The following SOX5 variants were observed in gnomAD, a reference collection of about 807,000 sequenced individuals.
SOX5 encodes the protein SRY-box transcription factor 5.
SOX5 carries 9 observed loss-of-function variants against 92.0 expected under a neutral mutation model. The observed-to-expected ratio is 0.10, with a 90% confidence interval of 0.06 to 0.17. SOX5 has a LOEUF of 0.17. Among genes scored for constraint, SOX5 ranks in the 10% least tolerant of loss-of-function variants. The pLI, the probability that SOX5 is intolerant of heterozygous loss-of-function variation, is 1.00. For missense variants in SOX5, 642 were observed against 944.5 expected (o/e 0.68, Z 4.20); for synonymous variants, 344 against 336.3 (o/e 1.02, Z -0.25).
chr12:24,299,383 C>A (rs912635239), intron 2 of SOX5, among the ~76,000 whole-genome samples: 1 of 152,084 alleles, frequency 6.6e-6, no homozygotes, highest in African/African-American at 2.4e-5. Flanking sequence ...TACAATGTAT[C>A]TCTCATTCTT....
chr12:23,779,437 A>C (rs953429218), intron 3 of SOX5, among the ~76,000 whole-genome samples: 1 of 150,760 alleles, frequency 6.6e-6, no homozygotes, highest in Admixed American at 6.7e-5. Flanking sequence ...ATAAATGAAC[A>C]AGCAGCAGGA....
chr12:24,168,810 G>A (rs140800472), intron 4 of SOX5, among the ~76,000 whole-genome samples: 5 of 152,292 alleles, frequency 3.3e-5, no homozygotes, highest in African/African-American at 9.6e-5. Flanking sequence ...GAAATGATGG[G>A]CAGGCGTGCA....
intron 7 of SOX5, among the ~76,000 whole-genome samples, chr12:23,654,761 G>T (rs1240373316): frequency 6.6e-6 from 1 of 152,012 alleles, no homozygotes; most frequent in Non-Finnish European, 1.5e-5. Context: ...TTTAACATTT[G>T]AAACTTTTTA....
intron 4 of SOX5, among the ~76,000 whole-genome samples, chr12:23,749,557 C>T (rs751961695): frequency 3.3e-5 from 5 of 151,730 alleles, no homozygotes; most frequent in Non-Finnish European, 5.9e-5. Flanking sequence ...TGTTGCCCCA[C>T]GGTAGATGTT....
At position 23,851,066 on chromosome 12, in the gene SOX5, A is replaced by C. The variant is rs1406517779; in HGVS notation, c.271-4873T>G. Among the ~76,000 whole-genome samples, 8 of 152,028 alleles carry C rather than the reference A, an allele frequency of 5.3e-5. No homozygotes were observed. The East Asian group carries it at 1.3e-3, about 26-fold the overall frequency. ...TATAGACAATTAGGTTATTTTAAAA[A>C]ACCAGTTGCTTGCAAAAGAAAAAAA... On this transcript the variant is annotated intron_variant, in intron 2 of 14. Transcript: ENST00000451604.
intron 3 of SOX5, among the ~76,000 whole-genome samples, chr12:23,813,778 C>G (rs1019980283): frequency 2.0e-5 from 3 of 152,074 alleles, no homozygotes; most frequent in Non-Finnish European, 4.4e-5. Flanking sequence ...TATTTTAAAA[C>G]AGTTAGTAAA....
chr12:23,964,975 G>A lies in SOX5; in HGVS notation c.-1-68951C>T, dbSNP rs1254729327. On this transcript the variant is annotated intron_variant, in intron 4 of 4. Coordinates refer to the SOX5 transcript ENST00000446891. ...TAGGGGAGCAGACCTGGGCAATGGT[G>A]AGCACCAGGGCTAGCGCACAGGGGC... Among the ~76,000 whole-genome samples, 3 of 152,182 alleles carry A rather than the reference G, an allele frequency of 2.0e-5. No homozygotes were observed. The East Asian group carries it at 5.8e-4, about 29-fold the overall frequency.
intron 4 of SOX5, among the ~76,000 whole-genome samples, chr12:24,004,363 T>C (rs1305396638): frequency 6.6e-6 from 1 of 151,358 alleles, no homozygotes; most frequent in Non-Finnish European, 1.5e-5. Context: ...GAAAATATTT[T>C]AAAATAATAT....
intron 1 of SOX5, among the ~76,000 whole-genome samples, chr12:24,388,606 CT>C (rs948965221): frequency 6.6e-6 from 1 of 152,088 alleles, no homozygotes; most frequent in Non-Finnish European, 1.5e-5. Context: ...TTTAAAACAA[CT>C]TTTTTGAGAT....
At chr12:23,754,768 C>T (rs928007203) in intron 4 of SOX5, among the ~76,000 whole-genome samples, 1 of 151,696 alleles carries the variant, frequency 6.6e-6, no homozygotes, top group Admixed American at 6.6e-5. Flanking sequence ...TGCACGGACA[C>T]ACATATGCAA....
In SOX5 at chr12:23,691,455, T is replaced by C. The variant is rs1329121723; in HGVS notation, c.811-25891A>G. On this transcript the variant is annotated intron_variant, in intron 6 of 14. Coordinates refer to ENST00000451604, the MANE Select transcript of SOX5 (RefSeq NM_006940.6). The stretch of plus-strand genomic sequence containing the variant: ...AGAGTATGTGATCAGAACAATCTAT[T>C]CTTCAAATATCTAGTACAACTGATC... Among the ~76,000 whole-genome samples the C allele has an allele frequency of 2.0e-5, 3 of 152,298 alleles. No homozygotes were observed. The East Asian group carries it at 5.8e-4, about 29-fold the overall frequency.
chr12:24,133,168 A>G (rs577253588), intron 4 of SOX5, among the ~76,000 whole-genome samples: 26 of 152,378 alleles, frequency 1.7e-4, no homozygotes, highest in Admixed American at 1.2e-3. Flanking sequence ...GCAGAAATGC[A>G]TAAAACTACT....
intron 1 of SOX5, among the ~76,000 whole-genome samples, chr12:24,405,303 T>C (rs1230645797): frequency 6.6e-6 from 1 of 152,178 alleles, no homozygotes. Flanking sequence ...TGGGGGGGTA[T>C]ACTATTTGAA....
intron 8 of SOX5, among the ~76,000 whole-genome samples, chr12:23,617,816 A>G (rs2076744277): frequency 6.6e-6 from 1 of 152,184 alleles, no homozygotes; most frequent in Non-Finnish European, 1.5e-5. Flanking sequence ...TTATAATTGA[A>G]GCAGTTCCTT....
chr12:24,203,662 T>C (rs1449796657), intron 4 of SOX5, among the ~76,000 whole-genome samples: 1 of 152,232 alleles, frequency 6.6e-6, no homozygotes, highest in Non-Finnish European at 1.5e-5. Context: ...GAATCAGTTT[T>C]GGAAATGCTT....
intron 6 of SOX5, among the ~76,000 whole-genome samples, chr12:23,688,050 T>G (rs909376119): frequency 6.6e-6 from 1 of 152,018 alleles, no homozygotes; most frequent in African/African-American, 2.4e-5. Flanking sequence ...GACCTTTGGG[T>G]CCCAAACACA....
At chr12:24,176,826 C>T (rs1954860858) in intron 4 of SOX5, among the ~76,000 whole-genome samples, 1 of 152,180 alleles carries the variant, frequency 6.6e-6, no homozygotes, top group South Asian at 2.1e-4. Flanking sequence ...TCCCTCCTAA[C>T]ACTCTAGTCC....
intron 9 of SOX5, among the ~76,000 whole-genome samples, chr12:23,603,484 C>T (rs2074833294): frequency 9.5e-6 from 1 of 105,320 alleles, no homozygotes; most frequent in Non-Finnish European, 2.4e-5. Flanking sequence ...GGTAAACTAA[C>T]TGCGTCAGCT....
intron 1 of SOX5, among the ~76,000 whole-genome samples, chr12:24,509,675 G>A (rs952915027): frequency 1.3e-5 from 2 of 152,204 alleles, no homozygotes; most frequent in Admixed American, 6.5e-5. Flanking sequence ...ATGTGTTTAT[G>A]CAGAATGCCC....
Sources: allele counts gnomAD v4.1 joint callset (sites outside exome capture counted in the v4.1 genomes callset), GRCh38; gene constraint gnomAD v4.1.1; transcripts MANE v1.5; gene names NCBI Gene and HGNC (gene_info 2026-07-23, HGNC 2026-07-21).